The following ZNF827 variants were observed in gnomAD, a reference collection of about 807,000 sequenced individuals.
ZNF827 encodes zinc finger protein 827.
ZNF827 carries 13 observed loss-of-function variants against 102.4 expected under a neutral mutation model. That is an observed-to-expected ratio of 0.13 (90% CI 0.08 to 0.20). The LOEUF is 0.20. Ranked by LOEUF, ZNF827 falls within the 10% of genes least tolerant of loss-of-function variation. The probability of loss-of-function intolerance (pLI) is 1.00; values close to 1 mark genes in which losing one functional copy is unlikely to be tolerated. For missense variants in ZNF827, 1,103 were observed against 1,344.4 expected, an observed-to-expected ratio of 0.82 and a Z score of 2.81; for synonymous variants, 523 against 536.2, an observed-to-expected ratio of 0.98 and a Z score of 0.34.
rs557393759 is a variant in ZNF827, at chr4:145,873,711, A to G, written c.1748-3233T>C. On this transcript the variant is annotated intron_variant, in intron 4 of 14. Transcript: ENST00000508784. ...TACCAGGAAGGTTGCTCCTAAGAGG[A>G]CTTGGTTTATCTAGCACATTTCTCC... Among the ~76,000 whole-genome samples the G allele has an allele frequency of 6.6e-5, 10 of 152,268 alleles. No homozygotes were observed. The South Asian group carries it at 2.1e-3, about 32-fold the overall frequency.
At chr4:145,790,579 A>T (rs1032102495) in intron 8 of ZNF827, among the ~76,000 whole-genome samples, 4 of 152,208 alleles carry the variant, frequency 2.6e-5, no homozygotes, top group African/African-American at 9.6e-5. Context: ...GATATTATTC[A>T]AGTAAGCCTC....
chr4:145,870,484 A>G lies in ZNF827; in HGVS notation c.1748-6T>C, dbSNP rs1380355921. On this transcript the variant is annotated splice_polypyrimidine_tract_variant and splice_region_variant and intron_variant, in intron 4 of 14. Transcript: ENST00000508784. ...GGGCTCCTTCTGATTTGCAGCTGTCAAAAGAAAAAAAGGGATTATATATAC... is the reference window on the plus strand; with the variant it reads ...GGGCTCCTTCTGATTTGCAGCTGTCGAAAGAAAAAAAGGGATTATATATAC... 1.2e-6 allele frequency: 2 copies of G among 1,612,652 alleles called. No individual in the cohort carries two copies. Among genetic ancestry groups the G allele is most frequent in the African/African-American group, 1.3e-5 (1 of 74,734 alleles).
chr4:145,934,547 GACTGGGGAAT>G (rs1218390683), intron 1 of ZNF827, among the ~76,000 whole-genome samples: 1 of 152,220 alleles, frequency 6.6e-6, no homozygotes, highest in Non-Finnish European at 1.5e-5. Context: ...CCGGAGCTCA[GACTGGGGAAT>G]TGCTGGGACT....
intron 5 of ZNF827, among the ~76,000 whole-genome samples, chr4:145,861,094 G>A (rs1173461255): frequency 1.3e-5 from 2 of 152,146 alleles, no homozygotes; most frequent in Admixed American, 1.3e-4. Context: ...CTTCTCAAGG[G>A]GTAGGTCTAT....
chr4:145,881,019 A>C (rs1749615680), intron 4 of ZNF827, among the ~76,000 whole-genome samples: 1 of 152,258 alleles, frequency 6.6e-6, no homozygotes, highest in African/African-American at 2.4e-5. Context: ...CTTCTCCAGC[A>C]GCACAAACAA....
intron 6 of ZNF827, 86 bp downstream of exon 6, chr4:145,849,236 G>A (rs1347882720): frequency 6.9e-7 from 1 of 1,446,508 alleles, no homozygotes; most frequent in Non-Finnish European, 9.2e-7. Flanking sequence ...CTATAATTCA[G>A]GTTTTTTTTT....
chr4:145,912,363 C>A (rs369129940), intron 1 of ZNF827, among the ~76,000 whole-genome samples: 1 of 152,140 alleles, frequency 6.6e-6, no homozygotes, highest in Non-Finnish European at 1.5e-5. Context: ...CTTTTGTTCT[C>A]CATTATATCC....
chr4:145,837,976 A>AC (rs1220017316), intron 7 of ZNF827, among the ~76,000 whole-genome samples: 9 of 149,438 alleles, frequency 6.0e-5, no homozygotes, highest in South Asian at 2.1e-4. Flanking sequence ...TCTCCATACC[A>AC]CCCCCCAAAA....
At chr4:145,831,517 T>C (rs181802995) in intron 7 of ZNF827, 1 of 152,244 alleles carries the variant, frequency 6.6e-6, no homozygotes, top group African/African-American at 2.4e-5. Flanking sequence ...TACTAGCATA[T>C]AGGCAGCAGA....
chr4:145,764,037 G>T (rs537557100), intron 13 of ZNF827, among the ~76,000 whole-genome samples: 1 of 152,302 alleles, frequency 6.6e-6, no homozygotes, highest in Admixed American at 6.5e-5. Context: ...ATCTAGGGGA[G>T]TCATGCCACC....
At chr4:145,771,276 T>C (rs1332673076) in intron 11 of ZNF827, among the ~76,000 whole-genome samples, 4 of 152,244 alleles carry the variant, frequency 2.6e-5, no homozygotes, top group African/African-American at 9.6e-5. Flanking sequence ...GATCTCTCGA[T>C]TGTTTTCATT....
At chr4:145,775,301 T>C (rs1232014095) in intron 10 of ZNF827, among the ~76,000 whole-genome samples, 1 of 152,204 alleles carries the variant, frequency 6.6e-6, no homozygotes, top group Non-Finnish European at 1.5e-5. Context: ...CAAACCAATA[T>C]TGATTCATGA....
At chr4:145,767,070 A>G (rs58953292) in intron 11 of ZNF827, among the ~76,000 whole-genome samples, 3 of 152,328 alleles carry the variant, frequency 2.0e-5, no homozygotes, top group African/African-American at 7.2e-5. Flanking sequence ...AAAGATAAAC[A>G]CAATTCGAAT....
intron 8 of ZNF827, among the ~76,000 whole-genome samples, chr4:145,807,458 T>C (rs1170496013): frequency 2.0e-5 from 3 of 152,098 alleles, no homozygotes; most frequent in Non-Finnish European, 2.9e-5. Context: ...AACTTTCATT[T>C]TTCTTTTTCA....
chr4:145,837,792 T>C (rs1034191184), intron 7 of ZNF827, among the ~76,000 whole-genome samples: 1 of 151,958 alleles, frequency 6.6e-6, no homozygotes, highest in African/African-American at 2.4e-5. Flanking sequence ...TTTCAATTCA[T>C]ACAAAACCGT....
chr4:145,856,985 G>GCACACA (rs70956877), intron 5 of ZNF827, among the ~76,000 whole-genome samples: 272 of 140,126 alleles, frequency 1.9e-3, no homozygotes, highest in African/African-American at 4.8e-3. Flanking sequence ...GCACGCGCAC[G>GCACACA]CACACACACA....
In ZNF827 at chr4:145,855,296, G is replaced by A. The variant is rs1746964424; in HGVS notation, c.1982-5735C>T. Among the ~76,000 whole-genome samples the A allele has an allele frequency of 3.9e-5, 6 of 152,210 alleles. No individual in the cohort carries two copies. In the South Asian group the frequency reaches 1.2e-3, roughly 32 times the overall value. On this transcript the variant is annotated intron_variant, in intron 5 of 14. Transcript: ENST00000508784. ...CCATGCTGACACCATTCACTTTCTA[G>A]AGTGATAGGCTTTTCAATGGGATAA... is the stretch of plus-strand genomic sequence containing the variant.
chr4:145,937,233 T>C (rs1754255436), intron 1 of ZNF827, among the ~76,000 whole-genome samples: 2 of 149,306 alleles, frequency 1.3e-5, no homozygotes, highest in Non-Finnish European at 3.0e-5. Flanking sequence ...GGGGCGCGGG[T>C]GGAGGAGGGG....
At chr4:145,789,321 G>A (rs1390295989) in intron 8 of ZNF827, among the ~76,000 whole-genome samples, 3 of 152,136 alleles carry the variant, frequency 2.0e-5, no homozygotes, top group Non-Finnish European at 2.9e-5. Context: ...AAGACTTAAA[G>A]TGCATAAATA....
Sources: gnomAD v4.1 joint callset for allele counts (sites outside exome capture counted in the v4.1 genomes callset) on GRCh38, gnomAD v4.1.1 for gene constraint, MANE v1.5 for transcripts, NCBI Gene and HGNC (gene_info 2026-07-23, HGNC 2026-07-21) for gene names.